The following SPIDR variants were observed in gnomAD, a reference collection of about 807,000 sequenced individuals.
SPIDR encodes the protein scaffold protein involved in DNA repair, also known as DNA repair-scaffolding protein.
A neutral mutation model predicts 104.6 loss-of-function variants in SPIDR; 93 were observed. The ratio of observed to expected loss-of-function variants is 0.89; its 90% CI spans 0.75 to 1.06. The LOEUF (loss-of-function observed/expected upper bound fraction) is 1.06. Among genes scored for constraint, SPIDR ranks in the 50% least tolerant of loss-of-function variants. The pLI, the probability that SPIDR is intolerant of heterozygous loss-of-function variation, is 0.00. For missense variants in SPIDR, 1,154 were observed against 1,111.2 expected (o/e 1.04, Z -0.55); for synonymous variants, 431 against 416.9 (o/e 1.03, Z -0.41).
intron 10 of SPIDR, among the ~76,000 whole-genome samples, chr8:47,606,742 A>G (rs761083607): frequency 2.6e-5 from 4 of 152,182 alleles, no homozygotes; most frequent in Non-Finnish European, 4.4e-5. Context: ...TGGCACACTG[A>G]TTCCCCAGCT....
intron 6 of SPIDR, among the ~76,000 whole-genome samples, chr8:47,396,862 A>C (rs781869187): frequency 5.9e-5 from 9 of 152,216 alleles, no homozygotes; most frequent in Non-Finnish European, 1.0e-4. Flanking sequence ...TCAGTGTTCT[A>C]GGTGCTGTGG....
chr8:47,659,860 A>G (rs1308173537), intron 10 of SPIDR, among the ~76,000 whole-genome samples: 2 of 152,174 alleles, frequency 1.3e-5, no homozygotes, highest in African/African-American at 2.4e-5. Context: ...ACAGTGACCT[A>G]GAATGAAACA....
At chr8:47,298,327 T>G (rs1214793767) in intron 5 of SPIDR, among the ~76,000 whole-genome samples, 1 of 152,210 alleles carries the variant, frequency 6.6e-6, no homozygotes, top group East Asian at 1.9e-4. Context: ...TAAATTTGTT[T>G]GAGTTCATTG....
chr8:47,691,495 C>T (rs1394992695), intron 11 of SPIDR, among the ~76,000 whole-genome samples: 1 of 152,116 alleles, frequency 6.6e-6, no homozygotes, highest in Non-Finnish European at 1.5e-5. Context: ...AGGGCTGCTC[C>T]AGGACACACC....
At chr8:47,395,910 C>T (rs1188025918) in intron 5 of SPIDR, among the ~76,000 whole-genome samples, 5 of 152,122 alleles carry the variant, frequency 3.3e-5, no homozygotes, top group African/African-American at 1.2e-4. Flanking sequence ...TTTATCTTTA[C>T]CCTTGGGGAC....
At chr8:47,328,533 G>A (rs888173415) in intron 5 of SPIDR, among the ~76,000 whole-genome samples, 4 of 151,806 alleles carry the variant, frequency 2.6e-5, no homozygotes, top group African/African-American at 4.8e-5. Flanking sequence ...GATAACAAGC[G>A]TGAGCCACCA....
chr8:47,554,473 G>A (rs907436666), intron 8 of SPIDR, among the ~76,000 whole-genome samples: 2 of 152,152 alleles, frequency 1.3e-5, no homozygotes, highest in African/African-American at 2.4e-5. Context: ...CCCCAGCCTC[G>A]CTGTCGCCTT....
rs1237187606 is a variant in SPIDR at position 47,413,824 on chromosome 8, TAAAAA to T, written c.877+5867_877+5871del. ...GAGTTTGCTTTCCTTATTTTCCAGA[TAAAAA>T]AAACTGTAGGTTGAGTATATGCTAT... is the stretch of plus-strand genomic sequence containing the variant. On this transcript the variant is annotated intron_variant, in intron 7 of 19. Transcript: ENST00000297423. Among the ~76,000 whole-genome samples, 13 of 152,018 alleles carry T rather than the reference TAAAAA, an allele frequency of 8.6e-5. 1 individual carries two copies. The South Asian group carries it at 2.7e-3, about 32-fold the overall frequency.
chr8:47,471,448 A>G (rs529952526), intron 8 of SPIDR, among the ~76,000 whole-genome samples: 109 of 152,268 alleles, frequency 7.2e-4, no homozygotes, highest in African/African-American at 2.6e-3. Context: ...ATTAGTCTTT[A>G]GGGTAATGCA....
intron 8 of SPIDR, among the ~76,000 whole-genome samples, chr8:47,481,756 A>G (rs1285563715): frequency 1.3e-5 from 2 of 152,328 alleles, no homozygotes; most frequent in African/African-American, 2.4e-5. Flanking sequence ...ATGATTGACA[A>G]GGTTGACTCT....
intron 5 of SPIDR, among the ~76,000 whole-genome samples, chr8:47,306,815 G>A (rs587763922): frequency 7.5e-4 from 114 of 152,174 alleles, no homozygotes; most frequent in South Asian, 3.7e-3. Context: ...TCTTCTTGTT[G>A]TATCAAATCA....
chr8:47,329,251 T>C (rs1191153735), intron 5 of SPIDR, among the ~76,000 whole-genome samples: 1 of 152,054 alleles, frequency 6.6e-6, no homozygotes, highest in Admixed American at 6.6e-5. Flanking sequence ...TTTTGTATTT[T>C]TAGTAGAGAT....
chr8:47,310,072 G>A (rs1045801307), intron 5 of SPIDR, among the ~76,000 whole-genome samples: 4 of 151,534 alleles, frequency 2.6e-5, no homozygotes, highest in African/African-American at 9.7e-5. Flanking sequence ...TGTGGCTCAC[G>A]CCTGTAATCC....
At chr8:47,324,306 T>C (rs141191141) in intron 5 of SPIDR, among the ~76,000 whole-genome samples, 2 of 152,140 alleles carry the variant, frequency 1.3e-5, no homozygotes, top group African/African-American at 4.8e-5. Context: ...TGAATGGCCT[T>C]TCCTTCTTTC....
At chr8:47,715,361 G>C (rs551548738) in intron 16 of SPIDR, among the ~76,000 whole-genome samples, 2 of 152,014 alleles carry the variant, frequency 1.3e-5, no homozygotes, top group African/African-American at 4.8e-5. Context: ...ATTTTTATTA[G>C]AGACAAGGTT....
At chr8:47,399,868 G>A (rs1239984103) in intron 6 of SPIDR, among the ~76,000 whole-genome samples, 1 of 152,192 alleles carries the variant, frequency 6.6e-6, no homozygotes, top group Admixed American at 6.5e-5. Context: ...CACTTACAGA[G>A]TAACGCTACT....
chr8:47,587,593 G>A (rs2060392904), intron 8 of SPIDR, among the ~76,000 whole-genome samples: 1 of 137,126 alleles, frequency 7.3e-6, no homozygotes, highest in Admixed American at 7.9e-5. Context: ...CTGGGCGACA[G>A]AGCAAGACCC....
intron 11 of SPIDR, among the ~76,000 whole-genome samples, chr8:47,680,011 A>G (rs2076898776): frequency 6.6e-6 from 1 of 152,206 alleles, no homozygotes; most frequent in Non-Finnish European, 1.5e-5. Flanking sequence ...CAATTTTAGC[A>G]GTAAGGGTGG....
chr8:47,303,727 T>A (rs1209523610), intron 5 of SPIDR, among the ~76,000 whole-genome samples: 1 of 152,200 alleles, frequency 6.6e-6, no homozygotes, highest in African/African-American at 2.4e-5. Context: ...ATGTGAATGA[T>A]CCTTTTAATG....
Sources: allele counts gnomAD v4.1 joint callset (sites outside exome capture counted in the v4.1 genomes callset), GRCh38; gene constraint gnomAD v4.1.1; transcripts MANE v1.5; gene names NCBI Gene and HGNC (gene_info 2026-07-23, HGNC 2026-07-21).